The following FLYWCH1 variants were observed in gnomAD, a reference collection of about 807,000 sequenced individuals.
FLYWCH1 encodes FLYWCH-type zinc finger 1.
Under a neutral mutation model 66.4 loss-of-function variants are expected in FLYWCH1, and 75 were observed. The ratio of observed to expected loss-of-function variants is 1.13; its 90% CI spans 0.94 to 1.37. The LOEUF (loss-of-function observed/expected upper bound fraction) is 1.37. FLYWCH1 is among the 40% of genes most tolerant of loss of function. FLYWCH1 has a pLI of 0.00. For missense variants in FLYWCH1, 1,334 were observed against 1,001.8 expected (o/e 1.33, Z -4.48); for synonymous variants, 595 against 429.9 (o/e 1.38, Z -4.75).
chr16:2,936,843 C>T (rs1484095087), intron 6 of FLYWCH1: 13 of 621,760 alleles, frequency 2.1e-5, no homozygotes, highest in Admixed American at 1.1e-4. Flanking sequence ...GGACGAGTGA[C>T]GCAGCAGACA....
chr16:2,927,274 C>T (rs966421115), intron 2 of FLYWCH1, among the ~76,000 whole-genome samples: 1 of 152,166 alleles, frequency 6.6e-6, no homozygotes, highest in Admixed American at 6.6e-5. Flanking sequence ...ATTGATGAAG[C>T]TAGAAAACAG....
At chr16:2,940,438 T>A (rs899733018) in intron 9 of FLYWCH1, among the ~76,000 whole-genome samples, 1 of 151,920 alleles carries the variant, frequency 6.6e-6, no homozygotes, top group Non-Finnish European at 1.5e-5. Flanking sequence ...AAAGCAAGAG[T>A]CCATTATTTT....
chr16:2,944,376 A>G (rs1201020034), intron 9 of FLYWCH1, among the ~76,000 whole-genome samples: 1 of 149,008 alleles, frequency 6.7e-6, no homozygotes, highest in Non-Finnish European at 1.5e-5. Context: ...CCTGGGTGAC[A>G]AGAGTGAAAC....
chr16:2,933,089 C>T (rs777026006), intron 4 of FLYWCH1, 41 bp from the exon 5 acceptor site: 3 of 1,570,646 alleles, frequency 1.9e-6, no homozygotes, highest in East Asian at 2.2e-5. Context: ...CTGGGCTCCT[C>T]TCCACCCCTG....
chr16:2,924,447 C>T (rs2070486058), intron 2 of FLYWCH1, among the ~76,000 whole-genome samples: 2 of 152,186 alleles, frequency 1.3e-5, no homozygotes, highest in African/African-American at 4.8e-5. Context: ...ATAGGAGTTC[C>T]CCAGTGAACA....
intron 4 of FLYWCH1, among the ~76,000 whole-genome samples, chr16:2,932,519 T>G (rs572816247): frequency 6.6e-6 from 1 of 151,980 alleles, no homozygotes; most frequent in Non-Finnish European, 1.5e-5. Flanking sequence ...AACTGGGACA[T>G]GGGCTTGGGT....
chr16:2,920,097 T>G (rs919487190), intron 2 of FLYWCH1, among the ~76,000 whole-genome samples: 3 of 152,148 alleles, frequency 2.0e-5, no homozygotes, highest in African/African-American at 4.8e-5. Flanking sequence ...TAGGGGTCAT[T>G]TTAGTATTAT....
At position 2,929,633 on chromosome 16, in the gene FLYWCH1, G is replaced by A. The variant is rs1035817022; in HGVS notation, c.-53G>A. ...CTTAGGACGGAACCACTGCACTCCA[G>A]GTTCCTTGCTGGGTGCTGAGCGTGG... On this transcript the variant is annotated 5_prime_UTR_variant, in exon 3 of 10. Transcript: ENST00000253928. 88 of 1,555,800 alleles carry A rather than the reference G, an allele frequency of 5.7e-5. No individual in the cohort carries two copies. Among genetic ancestry groups the A allele is most frequent in the Non-Finnish European group, 6.9e-5 (79 of 1,150,866 alleles).
Position 2,933,791 on chromosome 16 carries a change from A to C in FLYWCH1, c.1325A>C (p.Lys442Thr). The change falls in exon 6 of 10, where the codon AAG (lysine) becomes ACG (threonine). Residue 442 changes from lysine (K) to threonine (T), a missense_variant. Lys to Thr is a moderately conservative substitution (Grantham distance 78). Transcript: ENST00000253928. ...GAGTCCTTCCTCTACCGGCGGGAGA[A>C]GGCGGCTGGGGAGAAGGTGTATTGG... ...VYESFLYRRE[K>T]AAGEKVYWTC... 2 of 1,610,598 alleles carry C rather than the reference A, an allele frequency of 1.2e-6. No individual in the cohort carries two copies. Among genetic ancestry groups the C allele is most frequent in the Non-Finnish European group, 1.7e-6 (2 of 1,178,738 alleles).
chr16:2,940,657 A>C (rs2071222820), intron 9 of FLYWCH1, among the ~76,000 whole-genome samples: 1 of 152,104 alleles, frequency 6.6e-6, no homozygotes, highest in South Asian at 2.1e-4. Context: ...GCTGAGTCTC[A>C]AACTTCTGAC....
chr16:2,934,356 G>A (rs1012825581), intron 6 of FLYWCH1, among the ~76,000 whole-genome samples: 3 of 152,336 alleles, frequency 2.0e-5, no homozygotes, highest in Non-Finnish European at 2.9e-5. Context: ...AGTGGTTAAG[G>A]ATTGAGGAGG....
chr16:2,939,194 C>G (rs1026068109), intron 8 of FLYWCH1, among the ~76,000 whole-genome samples: 1 of 152,082 alleles, frequency 6.6e-6, no homozygotes, highest in African/African-American at 2.4e-5. Context: ...GCCTGTAATC[C>G]CAGCACTTTG....
chr16:2,934,697 T>A (rs781246853), intron 6 of FLYWCH1: 4 of 456,030 alleles, frequency 8.8e-6, no homozygotes, highest in Non-Finnish European at 1.8e-5. Flanking sequence ...TAAAGTTCTC[T>A]CGGACTTGAG....
In FLYWCH1 at chr16:2,933,968, G is replaced by A. The variant is rs746049171; in HGVS notation, c.1502G>A (p.Arg501Gln). ...QREKRPNTAQ[R>Q]GSPGGPEFLK... The stretch of plus-strand genomic sequence containing the variant: ...GAGAAACGCCCCAACACGGCGCAGC[G>A]GGGGAGCCCAGGTACCTGGGGGTGG... Residue 501 changes from arginine to glutamine, a missense_variant, in exon 6 of 10, where the codon CGG (arginine) becomes CAG (glutamine). Transcript: ENST00000253928. 41 of 1,537,628 alleles carry A rather than the reference G, an allele frequency of 2.7e-5. No individual in the cohort carries two copies. The highest frequency in any genetic ancestry group is 2.4e-4 in the South Asian group (20 of 83,658).
chr16:2,939,679 G>T, intron 8 of FLYWCH1: 1 of 247,152 alleles, frequency 4.0e-6, no homozygotes, highest in South Asian at 4.7e-5. Context: ...CAGCCTGGGT[G>T]ACAGAACAAG....
At chr16:2,921,175 A>G (rs1031092266) in intron 2 of FLYWCH1, among the ~76,000 whole-genome samples, 1 of 152,170 alleles carries the variant, frequency 6.6e-6, no homozygotes, top group African/African-American at 2.4e-5. Flanking sequence ...CTGAGATATA[A>G]TTTACATAAT....
At chr16:2,932,182 A>G (rs13336281) in intron 4 of FLYWCH1, among the ~76,000 whole-genome samples, 78,848 of 146,076 alleles carry the variant, frequency 0.54, 21,840 homozygotes, top group African/African-American at 0.63. Context: ...TCGGGAGGCT[A>G]AGGCAGAATT....
At position 2,933,361 on chromosome 16, in the gene FLYWCH1, A is replaced by G. The variant is rs2070847133; in HGVS notation, c.1028A>G (p.Gln343Arg). The G allele has an allele frequency of 2.5e-6, 4 of 1,604,294 alleles. No homozygotes were observed. Among genetic ancestry groups the G allele is most frequent in the East Asian group, 2.3e-5 (1 of 44,378 alleles). Reference protein sequence around the residue: ...PDMEGLEARRQQEKAVETLQA... With the variant: ...PDMEGLEARRRQEKAVETLQA... ...ATGGAGGGCCTGGAAGCCCGGCGGC[A>G]GCAGGAGAAGGCCGTGGAGACGCTG... is the stretch of plus-strand genomic sequence containing the variant. The change falls in exon 5 of 10, where the codon CAG becomes CGG. Residue 343 changes from glutamine (Q) to arginine (R), a missense_variant. Gln to Arg is a conservative substitution (Grantham distance 43). Coordinates refer to ENST00000253928, the MANE Select transcript of FLYWCH1 (RefSeq NM_001308068.2).
At chr16:2,932,782 C>T (rs2070813591) in intron 4 of FLYWCH1, among the ~76,000 whole-genome samples, 1 of 151,912 alleles carries the variant, frequency 6.6e-6, no homozygotes, top group Non-Finnish European at 1.5e-5. Flanking sequence ...CCAGGTTGGC[C>T]CCTCCCGGTG....
Sources: gnomAD v4.1 joint callset for allele counts (sites outside exome capture counted in the v4.1 genomes callset) on GRCh38, gnomAD v4.1.1 for gene constraint, MANE v1.5 for transcripts, NCBI Gene and HGNC (gene_info 2026-07-23, HGNC 2026-07-21) for gene names.